TTLL11: variants seen among roughly 807,000 people sequenced by gnomAD.
The protein encoded by TTLL11 is tubulin polyglutamylase TTLL11.
Under a neutral mutation model 51.7 loss-of-function variants are expected in TTLL11, and 42 were observed. The ratio of observed to expected loss-of-function variants is 0.81; its 90% CI spans 0.64 to 1.05. TTLL11 has a LOEUF of 1.05. Ranked by LOEUF, TTLL11 falls within the 50% of genes least tolerant of loss-of-function variation. The probability of loss-of-function intolerance (pLI) is 0.00; values close to 1 mark genes in which losing one functional copy is unlikely to be tolerated. For missense variants in TTLL11, 799 were observed against 940.4 expected, an observed-to-expected ratio of 0.85 and a Z score of 1.97; for synonymous variants, 381 against 383.5, an observed-to-expected ratio of 0.99 and a Z score of 0.08.
intron 1 of TTLL11, among the ~76,000 whole-genome samples, chr9:122,087,488 G>A (rs997490314): frequency 1.3e-5 from 2 of 152,160 alleles, no homozygotes; most frequent in Non-Finnish European, 2.9e-5. Context: ...AGGGAACAAT[G>A]CATGATTTGG....
intron 6 of TTLL11, among the ~76,000 whole-genome samples, chr9:121,901,495 TTATAAG>T (rs1839773067): frequency 1.3e-5 from 2 of 152,236 alleles, no homozygotes; most frequent in African/African-American, 4.8e-5. Flanking sequence ...TTGAACTAAA[TTATAAG>T]TATTCTGTTT....
chr9:121,951,116 A>G lies in TTLL11; in HGVS notation c.1481+22893T>C, dbSNP rs77029302. Among the ~76,000 whole-genome samples, 1,216 of 152,324 alleles carry G rather than the reference A, an allele frequency of 8.0e-3. 6 individuals are homozygous for G. The highest frequency in any genetic ancestry group is 0.013 in the Non-Finnish European group (888 of 68,014). ...TCGTGAACACTCTGGGTCTGTGTCA[A>G]ATTCCCACTAATGATTTCTCAGCAT... On this transcript the variant is annotated intron_variant, in intron 6 of 8. Coordinates refer to ENST00000321582, the MANE Select transcript of TTLL11 (RefSeq NM_001139442.2).
At chr9:122,032,797 CT>C (rs11371856) in intron 2 of TTLL11, among the ~76,000 whole-genome samples, 1,469 of 138,448 alleles carry the variant, frequency 0.011, 10 homozygotes, top group African/African-American at 0.031. Context: ...TTCATTTTTT[CT>C]TTTTTTTTTT....
At chr9:121,858,653 G>A (rs1837903474) in intron 8 of TTLL11, among the ~76,000 whole-genome samples, 2 of 152,122 alleles carry the variant, frequency 1.3e-5, no homozygotes, top group South Asian at 4.1e-4. Context: ...TGCAACAGCT[G>A]CCAGGCAGAC....
intron 1 of TTLL11, among the ~76,000 whole-genome samples, chr9:122,086,030 A>G (rs1328136837): frequency 6.6e-6 from 1 of 152,256 alleles, no homozygotes; most frequent in African/African-American, 2.4e-5. Context: ...ATGCATGATT[A>G]AATTTTTGCC....
chr9:121,857,269 C>T (rs941471783), intron 8 of TTLL11, among the ~76,000 whole-genome samples: 44 of 152,324 alleles, frequency 2.9e-4, no homozygotes, highest in African/African-American at 9.9e-4. Flanking sequence ...CCGCTGCTGC[C>T]GTCCCCTCTG....
chr9:122,090,351 A>C (rs1846227446), intron 1 of TTLL11, among the ~76,000 whole-genome samples: 1 of 151,922 alleles, frequency 6.6e-6, no homozygotes, highest in Non-Finnish European at 1.5e-5. Context: ...TCCAAATCCC[A>C]TCGCATGGCA....
intron 6 of TTLL11, among the ~76,000 whole-genome samples, chr9:121,878,473 A>C (rs753360618): frequency 2.6e-5 from 4 of 152,226 alleles, no homozygotes; most frequent in Non-Finnish European, 5.9e-5. Context: ...TGGCGACAAC[A>C]GCAGACTAGG....
chr9:121,839,470 C>A (rs12343444), intron 8 of TTLL11, among the ~76,000 whole-genome samples: 7,338 of 152,252 alleles, frequency 0.048, 469 homozygotes, highest in African/African-American at 0.15. Context: ...TTTCTTTCTA[C>A]CCTGCCCGGC....
intron 6 of TTLL11, among the ~76,000 whole-genome samples, chr9:121,919,199 T>G (rs1179992707): frequency 6.6e-6 from 1 of 152,254 alleles, no homozygotes; most frequent in Non-Finnish European, 1.5e-5. Context: ...TAATTAATTA[T>G]ACATTTCAGA....
intron 1 of TTLL11, among the ~76,000 whole-genome samples, chr9:122,090,380 C>T (rs1220397178): frequency 6.6e-6 from 1 of 152,124 alleles, no homozygotes. Context: ...GATCCCTGCT[C>T]ATTTCTGAAG....
chr9:121,860,497 A>G lies in TTLL11; in HGVS notation c.1734-54T>C. 4 of 1,405,498 alleles carry G rather than the reference A, an allele frequency of 2.8e-6. No homozygotes were observed. In the South Asian group the frequency reaches 5.0e-5, roughly 18 times the overall value. The allele number at this position is 1,405,498 out of a possible 1,614,324, so 87.1% of individuals were successfully genotyped here. A position where few individuals can be genotyped will look rare whatever the true frequency, so the allele number is the denominator to read the frequency against. On this transcript the variant is annotated intron_variant, in intron 7 of 8. Transcript: ENST00000321582. ...TGCCAGCCTGAAACCTGTCCTGTCT[A>G]TCTCTCCTCCACTCCTGTTAGGGAC...
At chr9:121,879,732 T>A (rs1838705459) in intron 6 of TTLL11, among the ~76,000 whole-genome samples, 1 of 149,144 alleles carries the variant, frequency 6.7e-6, no homozygotes, top group African/African-American at 2.5e-5. Context: ...TTTGGGAGGC[T>A]GAGGTGGGAG....
intron 6 of TTLL11, among the ~76,000 whole-genome samples, chr9:121,899,929 G>C (rs985991317): frequency 6.6e-6 from 1 of 152,150 alleles, no homozygotes; most frequent in Non-Finnish European, 1.5e-5. Flanking sequence ...GTTTTACATT[G>C]TATCTTATTT....
At chr9:122,034,133 G>A (rs760326090) in intron 2 of TTLL11, among the ~76,000 whole-genome samples, 10 of 152,192 alleles carry the variant, frequency 6.6e-5, no homozygotes, top group Non-Finnish European at 4.4e-5. Flanking sequence ...TGACCAAATA[G>A]TGTTGTGGTA....
chr9:121,987,376 C>T (rs1474166029), intron 4 of TTLL11, among the ~76,000 whole-genome samples: 2 of 152,170 alleles, frequency 1.3e-5, no homozygotes, highest in Non-Finnish European at 1.5e-5. Context: ...CCCTTCTTCT[C>T]TCCTCCTACC....
At chr9:122,047,132 G>A (rs892787920) in intron 1 of TTLL11, among the ~76,000 whole-genome samples, 5 of 152,184 alleles carry the variant, frequency 3.3e-5, no homozygotes, top group South Asian at 4.1e-4. Flanking sequence ...AGGCCACCCC[G>A]TGTCAGGTGA....
At position 121,840,092 on chromosome 9, in the gene TTLL11, G is replaced by A. The variant is rs575704969; in HGVS notation, c.1841-17213C>T. ...GCCTGGAGGGCACTGGAGCTGCATC[G>A]AATCACCCAAAACATTAACATGCAA... On this transcript the variant is annotated intron_variant, in intron 8 of 8. Coordinates refer to ENST00000321582, the MANE Select transcript of TTLL11 (RefSeq NM_001139442.2). Among the ~76,000 whole-genome samples, 3 of 142,734 alleles carry A rather than the reference G, an allele frequency of 2.1e-5. No individual in the cohort carries two copies. In the East Asian group the frequency reaches 6.6e-4, roughly 31 times the overall value. The allele number at this position is 142,734 out of a possible 152,430, so 93.6% of individuals were successfully genotyped here. A position where few individuals can be genotyped will look rare whatever the true frequency, so the allele number is the denominator to read the frequency against.
intron 3 of TTLL11, among the ~76,000 whole-genome samples, chr9:122,002,378 G>A (rs1843494957): frequency 6.6e-6 from 1 of 152,208 alleles, no homozygotes; most frequent in South Asian, 2.1e-4. Context: ...TTAGGACAGG[G>A]AGGGAAGTTT....
Sources: allele counts gnomAD v4.1 joint callset (sites outside exome capture counted in the v4.1 genomes callset), GRCh38; gene constraint gnomAD v4.1.1; transcripts MANE v1.5; gene names NCBI Gene and HGNC (gene_info 2026-07-23, HGNC 2026-07-21).